The following INAVA variants were observed in gnomAD, a reference collection of about 807,000 sequenced individuals.
INAVA encodes the protein innate immunity activator protein.
Under a neutral mutation model 55.3 loss-of-function variants are expected in INAVA, and 32 were observed. The observed-to-expected ratio is 0.58, with a 90% CI of 0.44 to 0.78. The LOEUF is 0.78. INAVA is among the 30% of genes least tolerant of loss of function. The pLI, the probability that INAVA is intolerant of heterozygous loss-of-function variation, is 0.00. For missense variants in INAVA, 756 were observed against 786.4 expected (o/e 0.96, Z 0.46); for synonymous variants, 294 against 329.4 (o/e 0.89, Z 1.16).
chr1:200,894,868 A>T, upstream of INAVA: 1 of 985,578 alleles, frequency 1.0e-6, no homozygotes. Context: ...CTCTGACTCA[A>T]GTCATAACAA....
Position 200,912,042 on chromosome 1 carries a change from C to T in INAVA, c.1549C>T (p.Arg517Cys), listed in dbSNP as rs763742600. The T allele has an allele frequency of 6.5e-7, 1 of 1,544,950 alleles. No individual in the cohort carries two copies. The highest frequency in any genetic ancestry group is 1.4e-5 in the African/African-American group (1 of 73,036). Residue 517 changes from arginine (R) to cysteine (C), a missense_variant, in exon 9 of 10, where the codon CGC (arginine) becomes TGC (cysteine). By Grantham distance (180) the Arg-to-Cys change is radical. Around this residue, in one of 2 missense-constraint regions of INAVA, gnomAD observed 117 missense variants for 162.1 expected, o/e 0.72. Transcript: ENST00000413687. ...CGAGCGTGCACGCCTCCGGAGCACC[C>T]GCCCCCACTCACTGGACCGCCAAGG... ...WHERARLRST[R>C]PHSLDRQGAF...
rs186813930 is a variant in INAVA, at chr1:200,899,109, G to T, written c.56-364G>T. Among the ~76,000 whole-genome samples, 571 of 152,146 alleles carry T rather than the reference G, an allele frequency of 3.8e-3. 1 individual carries two copies. The highest frequency in any genetic ancestry group is 4.6e-3 in the Non-Finnish European group (314 of 67,990). ...CTTATGTGTGTGTGCAAGAGAGAGG[G>T]GTAGTGGGGAGAGGGAGAGAGAGAG... On this transcript the variant is annotated intron_variant, in intron 2 of 9. Transcript: ENST00000413687.
chr1:200,907,860 C>A lies in INAVA; in HGVS notation c.547C>A (p.Leu183Met), dbSNP rs775127632. ...GCTCAGTGCCTCTGATGACAGCTCCCTGTCAGATGGGCTCCTCCTGGAGGA... is the reference window on the plus strand; with the variant it reads ...GCTCAGTGCCTCTGATGACAGCTCCATGTCAGATGGGCTCCTCCTGGAGGA... The part of the protein sequence containing the change: ...RELSASDDSS[L>M]SDGLLLEEEE... Residue 183 changes from leucine (L) to methionine (M), a missense_variant, in exon 6 of 10, where the codon CTG becomes ATG. Physicochemically the swap from Leu to Met is conservative, Grantham distance 15 (BLOSUM62 2). This residue lies in a region of INAVA where 639 missense variants were observed against 624.3 expected (regional missense o/e 1.02). Transcript: ENST00000413687. 3.7e-6 allele frequency: 6 copies of A among 1,612,842 alleles called. No individual in the cohort carries two copies. Among genetic ancestry groups the A allele is most frequent in the Non-Finnish European group, 5.1e-6 (6 of 1,179,132 alleles).
chr1:200,913,451 G>A, intron 9 of INAVA, 86 bp from the exon 10 acceptor site: 1 of 997,684 alleles, frequency 1.0e-6, no homozygotes. Context: ...GTCCCTAAGG[G>A]ATAAGGATGG....
Position 200,914,242 on chromosome 1 carries a change from C to G in INAVA, c.*613C>G, listed in dbSNP as rs1271761261. The G allele has an allele frequency of 6.6e-6, 1 of 152,470 alleles. No homozygotes were observed. 9.4% of individuals were successfully genotyped at this position (152,470 alleles called of 1,614,324 possible). On this transcript the variant is annotated 3_prime_UTR_variant, in exon 10 of 10. Transcript: ENST00000413687. The stretch of plus-strand genomic sequence containing the variant: ...TGCTAGACCCTGCTATTTTCCTGAC[C>G]CCCTAAATCCTCTTTAGGGACCCAG...
chr1:200,900,928 C>T lies in INAVA; in HGVS notation c.298-9C>T, dbSNP rs946919492. 5.9e-6 allele frequency: 9 copies of T among 1,537,566 alleles called. No individual in the cohort carries two copies. The African/African-American group carries it at 1.1e-4, about 19-fold the overall frequency. ...CTCTCTCTAGCCTCACTCCTGCCCC[C>T]TCTCTCAGGACCCCCTAAGCAGCCT... On this transcript the variant is annotated splice_polypyrimidine_tract_variant and intron_variant, in intron 4 of 9. Coordinates refer to ENST00000413687, the MANE Select transcript of INAVA (RefSeq NM_001142569.3).
At chr1:200,912,253 C>T (rs556161801) in intron 9 of INAVA, 116 bp downstream of exon 9, 9 of 995,486 alleles carry the variant, frequency 9.0e-6, no homozygotes, top group Admixed American at 3.0e-5. Flanking sequence ...ACCTAGTGGC[C>T]GGGTAATCCC....
chr1:200,913,823 T>G lies in INAVA; in HGVS notation c.*194T>G, dbSNP rs1653846808. 1 of 580,062 alleles carries G rather than the reference T, an allele frequency of 1.7e-6. No individual in the cohort carries two copies. Among genetic ancestry groups the G allele is most frequent in the Non-Finnish European group, 3.1e-6 (1 of 325,974 alleles). 35.9% of individuals were successfully genotyped at this position (580,062 alleles called of 1,614,324 possible). On this transcript the variant is annotated 3_prime_UTR_variant, in exon 10 of 10. Transcript: ENST00000413687. Reference sequence around the variant, plus strand: ...AAGGATTTATATATGTGGATTGTCCTCAATACCCCTGTGATATGATTATGT... The same window carrying G: ...AAGGATTTATATATGTGGATTGTCCGCAATACCCCTGTGATATGATTATGT...
chr1:200,895,872 G>A (rs952558228), intron 1 of INAVA, among the ~76,000 whole-genome samples: 3 of 152,186 alleles, frequency 2.0e-5, no homozygotes, highest in African/African-American at 4.8e-5. Flanking sequence ...AGTACAGACC[G>A]CAGCAGAACC....
chr1:200,911,312 TG>T, intron 8 of INAVA, 140 bp from the exon 9 acceptor site: 2 of 814,302 alleles, frequency 2.5e-6, no homozygotes, highest in South Asian at 1.7e-5. Flanking sequence ...TTGGGAGACT[TG>T]ACCTAAGACC....
Position 200,911,480 on chromosome 1 carries a change from G to A in INAVA, c.987G>A (p.Glu329=). Residue 329 remains glutamate, a synonymous_variant, in exon 9 of 10, where the codon GAG becomes GAA. Coordinates refer to ENST00000413687, the MANE Select transcript of INAVA (RefSeq NM_001142569.3). The stretch of plus-strand genomic sequence containing the variant: ...TGGATTCCTTCCGGGCGGGTCCTGA[G>A]GGCCGAGGTCGCAGCGCCTTTCCCC... ...LRVDSFRAGP[E]GRGRSAFPRR... The A allele has an allele frequency of 1.2e-6, 2 of 1,613,214 alleles. No individual in the cohort carries two copies. Among genetic ancestry groups the A allele is most frequent in the Non-Finnish European group, 8.5e-7 (1 of 1,179,592 alleles).
intron 2 of INAVA, 54 bp downstream of exon 2, chr1:200,898,509 C>A: frequency 1.3e-6 from 2 of 1,589,898 alleles, no homozygotes; most frequent in Non-Finnish European, 1.7e-6. Flanking sequence ...GGTCCCTGGT[C>A]CCTGGCCCTG....
chr1:200,894,936 C>CCGAGA lies in INAVA; in HGVS notation c.-243_-239dup. The CCGAGA allele has an allele frequency of 1.0e-6, 1 of 985,780 alleles. No individual in the cohort carries two copies. The allele number at this position is 985,780 out of a possible 1,614,324, so 61.1% of individuals were successfully genotyped here. A position where few individuals can be genotyped will look rare whatever the true frequency, so the allele number is the denominator to read the frequency against. The stretch of plus-strand genomic sequence containing the variant: ...AGGGACGGCAAGGTAGGCAGGTGAG[C>CCGAGA]CGAGACGGACGGACGGCCAGCAGCT... On this transcript the variant is annotated 5_prime_UTR_variant, in exon 1 of 10. Coordinates refer to ENST00000413687, the MANE Select transcript of INAVA (RefSeq NM_001142569.3).
chr1:200,905,675 T>G (rs1169126541), intron 5 of INAVA, among the ~76,000 whole-genome samples: 2 of 152,244 alleles, frequency 1.3e-5, no homozygotes, highest in African/African-American at 4.8e-5. Flanking sequence ...ACTCTGCTAC[T>G]TCAGTGCTAA....
In INAVA at chr1:200,911,527, C is replaced by T. The variant is rs150140877; in HGVS notation, c.1034C>T (p.Thr345Met). Reference protein sequence around the residue: ...AFPRRRPTHYTVTVPDSCFPA... With the variant: ...AFPRRRPTHYMVTVPDSCFPA... ...CCCCGCCGCCGCCCCACTCACTACA[C>T]GGTGACAGTGCCAGATTCCTGCTTT... is the stretch of plus-strand genomic sequence containing the variant. The change falls in exon 9 of 10, where the codon ACG (threonine) becomes ATG (methionine). Residue 345 changes from threonine (T) to methionine (M), a missense_variant. By Grantham distance (81) the Thr-to-Met change is moderately conservative. Around this residue, in one of 2 missense-constraint regions of INAVA, gnomAD observed 639 missense variants for 624.3 expected, o/e 1.02. Transcript: ENST00000413687. The T allele has an allele frequency of 1.2e-6, 2 of 1,613,900 alleles. No homozygotes were observed. Among genetic ancestry groups the T allele is most frequent in the Non-Finnish European group, 1.7e-6 (2 of 1,179,980 alleles).
intron 5 of INAVA, among the ~76,000 whole-genome samples, chr1:200,903,500 C>A (rs891874027): frequency 2.0e-5 from 3 of 151,088 alleles, no homozygotes; most frequent in Non-Finnish European, 3.0e-5. Context: ...AAACAAAAAA[C>A]AAAACAAAAC....
chr1:200,905,842 A>G (rs1004615771), intron 5 of INAVA, among the ~76,000 whole-genome samples: 1 of 152,216 alleles, frequency 6.6e-6, no homozygotes. Flanking sequence ...CTTTTTTTGA[A>G]ACTTCCTGGG....
intron 2 of INAVA, among the ~76,000 whole-genome samples, chr1:200,898,691 T>C (rs998260226): frequency 1.1e-4 from 16 of 152,204 alleles, no homozygotes; most frequent in Admixed American, 5.9e-4. Flanking sequence ...CTTGGAGTTT[T>C]GGTTCTATCT....
intron 2 of INAVA, 53 bp downstream of exon 2, chr1:200,898,508 T>C: frequency 6.3e-7 from 1 of 1,590,800 alleles, no homozygotes; most frequent in Admixed American, 1.7e-5. Flanking sequence ...TGGTCCCTGG[T>C]CCCTGGCCCT....
Sources: gnomAD v4.1 joint callset for allele counts (sites outside exome capture counted in the v4.1 genomes callset) on GRCh38, gnomAD v4.1.1 for gene constraint, gnomAD v4.1.1 regional missense constraint, MANE v1.5 for transcripts, NCBI Gene and HGNC (gene_info 2026-07-23, HGNC 2026-07-21) for gene names.